DDR2: variants seen among roughly 807,000 people sequenced by gnomAD.
The protein encoded by DDR2 is discoidin domain receptor tyrosine kinase 2, also known as discoidin domain-containing receptor 2.
A neutral mutation model predicts 94.9 loss-of-function variants in DDR2; 27 were observed. The ratio of observed to expected loss-of-function variants is 0.28; its 90% CI spans 0.21 to 0.39. DDR2 has a LOEUF of 0.39. Among genes scored for constraint, DDR2 ranks in the 10% least tolerant of loss-of-function variants. The pLI, the probability that DDR2 is intolerant of heterozygous loss-of-function variation, is 1.00. For synonymous variants in DDR2, 382 were observed against 377.2 expected (o/e 1.01, Z -0.15); for missense variants, 783 against 1,076.0 (o/e 0.73, Z 3.81).
At chr1:162,671,660 A>G (rs1362951694) in intron 2 of DDR2, among the ~76,000 whole-genome samples, 3 of 152,064 alleles carry the variant, frequency 2.0e-5, no homozygotes, top group Non-Finnish European at 4.4e-5. Context: ...CTTTCTAATT[A>G]GCCTTTCTAG....
chr1:162,648,049 G>C (rs1055835921), intron 1 of DDR2, among the ~76,000 whole-genome samples: 2 of 70,084 alleles, frequency 2.9e-5, no homozygotes, highest in African/African-American at 8.7e-5. Flanking sequence ...TTAGCAAGAG[G>C]TTTTTTCCTT....
At chr1:162,731,517 C>G (rs1046059677) in intron 3 of DDR2, among the ~76,000 whole-genome samples, 1 of 152,144 alleles carries the variant, frequency 6.6e-6, no homozygotes, top group African/African-American at 2.4e-5. Context: ...TATTAGTGCT[C>G]TAAGTGCTTG....
intron 2 of DDR2, among the ~76,000 whole-genome samples, chr1:162,666,063 T>C (rs1658541458): frequency 6.6e-6 from 1 of 151,872 alleles, no homozygotes. Context: ...AGGAAGGAGG[T>C]TGAGAAACTG....
rs562401032 is a variant in DDR2, at chr1:162,649,473, T to C, written c.-191-5738T>C. On this transcript the variant is annotated intron_variant, in intron 1 of 17. Transcript: ENST00000367921. ...CTAACTGGTGATCTTGGGTAAGTCA[T>C]TGAATGTCTCTGAGCCTCAGTTTCC... 1.0e-3 allele frequency among the ~76,000 whole-genome samples: 159 copies of C among 152,312 alleles called. 1 individual carries two copies. The highest frequency in any genetic ancestry group is 1.9e-3 in the Non-Finnish European group (129 of 68,026).
At chr1:162,654,221 T>G (rs182016076) in intron 1 of DDR2, among the ~76,000 whole-genome samples, 1 of 152,200 alleles carries the variant, frequency 6.6e-6, no homozygotes, top group African/African-American at 2.4e-5. Context: ...GAGGATCGCT[T>G]GATTGCCTGA....
At chr1:162,675,117 A>G (rs1437211546) in intron 2 of DDR2, among the ~76,000 whole-genome samples, 4 of 152,062 alleles carry the variant, frequency 2.6e-5, no homozygotes, top group Admixed American at 2.0e-4. Flanking sequence ...AGATCATGCT[A>G]TTGCGTTCCA....
At chr1:162,665,698 T>C (rs1658517384) in intron 2 of DDR2, among the ~76,000 whole-genome samples, 1 of 152,130 alleles carries the variant, frequency 6.6e-6, no homozygotes, top group Non-Finnish European at 1.5e-5. Context: ...TTAAGTGAGC[T>C]TTAGAGATAA....
In DDR2 at chr1:162,787,089, T is replaced by G. The variant is rs1474781791; in HGVS notation, c.*6843T>G. On this transcript the variant is annotated 3_prime_UTR_variant, in exon 18 of 18. Coordinates refer to ENST00000367921, the MANE Select transcript of DDR2 (RefSeq NM_006182.4). The stretch of plus-strand genomic sequence containing the variant: ...TACCTGGTCTCTGAGAATAAGTTTA[T>G]ACTTTTAGTTTTCTGAGAATATTTC... The G allele has an allele frequency of 2.0e-5, 3 of 152,238 alleles. No individual in the cohort carries two copies. The highest frequency in any genetic ancestry group is 7.2e-5 in the African/African-American group (3 of 41,462). The allele number at this position is 152,238 out of a possible 1,614,324, so 9.4% of individuals were successfully genotyped here.
At chr1:162,643,039 C>A (rs982394351) in intron 1 of DDR2, among the ~76,000 whole-genome samples, 1 of 152,112 alleles carries the variant, frequency 6.6e-6, no homozygotes, top group Non-Finnish European at 1.5e-5. Flanking sequence ...GCTTTCTAAT[C>A]CTTTTGCTAT....
intron 2 of DDR2, among the ~76,000 whole-genome samples, chr1:162,672,594 A>G (rs1455482702): frequency 2.6e-5 from 4 of 152,196 alleles, no homozygotes; most frequent in Non-Finnish European, 5.9e-5. Flanking sequence ...ATATATACAT[A>G]TAGATTCATG....
chr1:162,762,925 C>A (rs905704250), intron 9 of DDR2, among the ~76,000 whole-genome samples: 42 of 152,180 alleles, frequency 2.8e-4, no homozygotes, highest in African/African-American at 9.4e-4. Flanking sequence ...CAACCCCCGC[C>A]TCCCGGGATC....
In DDR2 at chr1:162,780,405, C is replaced by G. The variant is rs1217194554; in HGVS notation, c.*159C>G. The G allele has an allele frequency of 9.7e-7, 1 of 1,028,196 alleles. No individual in the cohort carries two copies. The allele number at this position is 1,028,196 out of a possible 1,614,324, so 63.7% of individuals were successfully genotyped here. ...TTCCTGGTCACCCCCACTCCCTACCCCTGACTCATATACACTTTTTTTTTT... is the reference window on the plus strand; with the variant it reads ...TTCCTGGTCACCCCCACTCCCTACCGCTGACTCATATACACTTTTTTTTTT... On this transcript the variant is annotated 3_prime_UTR_variant, in exon 18 of 18. Transcript: ENST00000367921.
intron 1 of DDR2, among the ~76,000 whole-genome samples, chr1:162,652,782 G>C (rs1657767367): frequency 3.3e-5 from 5 of 152,210 alleles, no homozygotes; most frequent in Admixed American, 1.3e-4. Flanking sequence ...ATCTGAGTGA[G>C]GAAGTGAACT....
chr1:162,766,168 A>G (rs1663979621), intron 10 of DDR2, 105 bp downstream of exon 10: 1 of 1,254,728 alleles, frequency 8.0e-7, no homozygotes. Context: ...GCTTTACACC[A>G]GTTGGCTTTG....
chr1:162,657,921 G>A (rs545295956), intron 2 of DDR2, among the ~76,000 whole-genome samples: 2 of 151,244 alleles, frequency 1.3e-5, no homozygotes, highest in Non-Finnish European at 2.9e-5. Flanking sequence ...GCTCCCTCTT[G>A]TTTTGTTTTC....
intron 3 of DDR2, among the ~76,000 whole-genome samples, chr1:162,729,300 ATTTT>A (rs869269032): frequency 2.0e-4 from 19 of 93,910 alleles, no homozygotes; most frequent in East Asian, 8.9e-4. Context: ...ATATATATAT[ATTTT>A]TTTTTTTTTT....
At chr1:162,741,940 T>G (rs1392171712) in intron 3 of DDR2, among the ~76,000 whole-genome samples, 2 of 152,204 alleles carry the variant, frequency 1.3e-5, no homozygotes, top group Non-Finnish European at 2.9e-5. Flanking sequence ...CCATTTTCTT[T>G]GTGTGATTTT....
intron 1 of DDR2, among the ~76,000 whole-genome samples, chr1:162,644,894 C>G (rs1657331946): frequency 6.6e-6 from 1 of 152,200 alleles, no homozygotes; most frequent in Non-Finnish European, 1.5e-5. Context: ...CCACGCCCAG[C>G]CAACCACACT....
intron 3 of DDR2, among the ~76,000 whole-genome samples, chr1:162,739,339 G>A (rs1006943372): frequency 6.6e-5 from 10 of 152,180 alleles, no homozygotes; most frequent in African/African-American, 1.9e-4. Flanking sequence ...TTTTGAGATG[G>A]AGTCTCTCTC....
Sources: allele counts gnomAD v4.1 joint callset (sites outside exome capture counted in the v4.1 genomes callset), GRCh38; gene constraint gnomAD v4.1.1; transcripts MANE v1.5; gene names NCBI Gene and HGNC (gene_info 2026-07-23, HGNC 2026-07-21).